The following SLC9A2 variants were observed in gnomAD, a reference collection of about 807,000 sequenced individuals.
SLC9A2 encodes solute carrier family 9 member A2.
In SLC9A2, 42 loss-of-function variants were observed where a neutral mutation model predicts 71.7. The observed-to-expected ratio is 0.59, with a 90% confidence interval of 0.46 to 0.76. The LOEUF (loss-of-function observed/expected upper bound fraction) is 0.76, where lower values mean the gene tolerates loss of function less well. Among genes scored for constraint, SLC9A2 ranks in the 30% least tolerant of loss-of-function variants. The probability of loss-of-function intolerance (pLI) is 0.00; values close to 1 mark genes in which losing one functional copy is unlikely to be tolerated. For missense variants in SLC9A2, 829 were observed against 1,017.4 expected (o/e 0.81, Z 2.52); for synonymous variants, 396 against 392.5 (o/e 1.01, Z -0.10).
chr2:102,632,075 TAC>T (rs1283748318), intron 1 of SLC9A2, among the ~76,000 whole-genome samples: 3 of 136,082 alleles, frequency 2.2e-5, no homozygotes, highest in Non-Finnish European at 3.1e-5. Flanking sequence ...CACATATATA[TAC>T]ACACATATAT....
intron 1 of SLC9A2, among the ~76,000 whole-genome samples, chr2:102,643,293 T>C (rs1016453051): frequency 6.6e-6 from 1 of 152,076 alleles, no homozygotes; most frequent in East Asian, 1.9e-4. Flanking sequence ...ACCACCCCAA[T>C]AGAAAAGCCA....
At chr2:102,624,800 T>G (rs1434889576) in intron 1 of SLC9A2, among the ~76,000 whole-genome samples, 1 of 152,216 alleles carries the variant, frequency 6.6e-6, no homozygotes, top group Non-Finnish European at 1.5e-5. Context: ...ATTCTTATAA[T>G]TTTAAGGGGA....
intron 8 of SLC9A2, 107 bp downstream of exon 8, chr2:102,701,338 C>T (rs1677871395): frequency 1.2e-6 from 1 of 862,860 alleles, no homozygotes; most frequent in East Asian, 3.0e-5. Flanking sequence ...TTGATCCGCC[C>T]CCCTCGGCCT....
intron 5 of SLC9A2, among the ~76,000 whole-genome samples, chr2:102,685,962 G>A (rs554896099): frequency 1.3e-5 from 2 of 152,306 alleles, no homozygotes; most frequent in Admixed American, 1.3e-4. Context: ...ATTGAGCCTT[G>A]GGGCGGCCCC....
rs1438821079 is a variant in SLC9A2 at position 102,709,937 on chromosome 2, A to G, written c.*1448A>G. 6.6e-6 allele frequency: 1 copy of G among 152,430 alleles called. No homozygotes were observed. Among genetic ancestry groups the G allele is most frequent in the African/African-American group, 2.4e-5 (1 of 41,432 alleles). The allele number at this position is 152,430 out of a possible 1,614,324, so 9.4% of individuals were successfully genotyped here. A position where few individuals can be genotyped will look rare whatever the true frequency, so the allele number is the denominator to read the frequency against. On this transcript the variant is annotated 3_prime_UTR_variant, in exon 12 of 12. Coordinates refer to ENST00000233969, the MANE Select transcript of SLC9A2 (RefSeq NM_003048.6). ...CCCAAAGGATGCAAGTGCCTACAGT[A>G]TTATCAGGAGGAGAACATGAAAATA...
intron 2 of SLC9A2, 106 bp downstream of exon 2, chr2:102,658,133 T>TCTC: frequency 1.2e-6 from 1 of 811,818 alleles, no homozygotes; most frequent in Non-Finnish European, 2.0e-6. Flanking sequence ...GCACACAGGG[T>TCTC]GGTTTCATGA....
At position 102,632,121 on chromosome 2, in the gene SLC9A2, CATATATACATATATATGT is replaced by C. The variant is rs1380888281; in HGVS notation, c.289+12000_289+12017del. 4.2e-3 allele frequency among the ~76,000 whole-genome samples: 395 copies of C among 95,030 alleles called. 5 individuals carry two copies. The highest frequency in any genetic ancestry group is 0.017 in the African/African-American group (338 of 20,130). The allele number at this position is 95,030 out of a possible 152,430, so 62.3% of individuals were successfully genotyped here. A position where few individuals can be genotyped will look rare whatever the true frequency, so the allele number is the denominator to read the frequency against. The stretch of plus-strand genomic sequence containing the variant: ...ATATATACATATATATGTATATATA[CATATATACATATATATGT>C]ATATATACATATATACACATATATA... On this transcript the variant is annotated intron_variant, in intron 1 of 11. Transcript: ENST00000233969.
intron 1 of SLC9A2, among the ~76,000 whole-genome samples, chr2:102,634,220 G>A (rs954046393): frequency 6.6e-6 from 1 of 152,006 alleles, no homozygotes; most frequent in Non-Finnish European, 1.5e-5. Flanking sequence ...TTATTATTGT[G>A]TCATTTCACT....
intron 2 of SLC9A2, among the ~76,000 whole-genome samples, chr2:102,658,658 AAATT>A (rs1401459484): frequency 6.6e-6 from 1 of 151,914 alleles, no homozygotes; most frequent in African/African-American, 2.4e-5. Flanking sequence ...CAGAAGGCAC[AAATT>A]ATTTGTAATC....
rs73947620 is a variant in SLC9A2, at chr2:102,630,220, G to A, written c.289+10083G>A. On this transcript the variant is annotated intron_variant, in intron 1 of 11. Transcript: ENST00000233969. ...TACTTTTTATCTCTTTCTGCCTTCC[G>A]GATTCTTTTTTGTTTGTTTTTGTTT... Among the ~76,000 whole-genome samples the A allele has an allele frequency of 2.8e-3, 426 of 151,856 alleles. 1 individual carries two copies. Among genetic ancestry groups the A allele is most frequent in the African/African-American group, 1.0e-2 (414 of 41,440 alleles).
chr2:102,683,095 A>T (rs373788051), intron 3 of SLC9A2, among the ~76,000 whole-genome samples, 166 bp from the exon 4 acceptor site: 266 of 152,252 alleles, frequency 1.7e-3, no homozygotes, highest in African/African-American at 6.0e-3. Context: ...AGATTGCAGG[A>T]TTTCCGAGGT....
At chr2:102,646,768 A>ATATATATATATAT (rs1676731084) in intron 1 of SLC9A2, among the ~76,000 whole-genome samples, 6 of 132,976 alleles carry the variant, frequency 4.5e-5, no homozygotes, top group African/African-American at 1.6e-4. Flanking sequence ...AACGATCCTA[A>ATATATATATATAT]ATATATATAT....
chr2:102,651,928 AG>A (rs1676842333), intron 1 of SLC9A2, among the ~76,000 whole-genome samples: 3 of 114,576 alleles, frequency 2.6e-5, no homozygotes, highest in African/African-American at 1.0e-4. Context: ...GCAAAAGATA[AG>A]GGTTTTTGTT....
At chr2:102,668,142 T>C (rs1292396986) in intron 3 of SLC9A2, among the ~76,000 whole-genome samples, 1 of 152,010 alleles carries the variant, frequency 6.6e-6, no homozygotes, top group Non-Finnish European at 1.5e-5. Context: ...AATAAATGGG[T>C]CCTTAAATAA....
intron 5 of SLC9A2, among the ~76,000 whole-genome samples, chr2:102,691,946 C>T (rs905554886): frequency 6.6e-6 from 1 of 152,168 alleles, no homozygotes; most frequent in Non-Finnish European, 1.5e-5. Flanking sequence ...GAAAAGAGCA[C>T]GTGAAACAGC....
At chr2:102,659,255 C>T (rs575846732) in intron 2 of SLC9A2, among the ~76,000 whole-genome samples, 1 of 144,414 alleles carries the variant, frequency 6.9e-6, no homozygotes, top group Admixed American at 7.2e-5. Context: ...ATGGTGAAAC[C>T]CTGTCTCTAC....
At chr2:102,680,749 T>C (rs1677438004) in intron 3 of SLC9A2, among the ~76,000 whole-genome samples, 1 of 152,206 alleles carries the variant, frequency 6.6e-6, no homozygotes. Flanking sequence ...ACTTTGTGGA[T>C]GTGATTAGGT....
intron 1 of SLC9A2, among the ~76,000 whole-genome samples, chr2:102,627,089 C>T (rs1676262607): frequency 6.6e-6 from 1 of 151,968 alleles, no homozygotes; most frequent in Non-Finnish European, 1.5e-5. Context: ...AGTTTGAGAC[C>T]AGCCTGGGCA....
Position 102,637,725 on chromosome 2 carries a change from A to T in SLC9A2, c.289+17588A>T, listed in dbSNP as rs979220908. Among the ~76,000 whole-genome samples the T allele has an allele frequency of 3.9e-5, 6 of 152,202 alleles. No individual in the cohort carries two copies. The East Asian group carries it at 7.7e-4, about 20-fold the overall frequency. On this transcript the variant is annotated intron_variant, in intron 1 of 11. Transcript: ENST00000233969. The stretch of plus-strand genomic sequence containing the variant: ...CTGCAGTGCCCCAGCTGGGACAGGG[A>T]GGCACCCCTGGCCCGTGAGGAGATG...
Sources: gnomAD v4.1 joint callset for allele counts (sites outside exome capture counted in the v4.1 genomes callset) on GRCh38, gnomAD v4.1.1 for gene constraint, MANE v1.5 for transcripts, NCBI Gene and HGNC (gene_info 2026-07-23, HGNC 2026-07-21) for gene names.